Variants in IFIT3 observed in about 807,000 individuals in gnomAD.
IFIT3 encodes interferon-induced protein with tetratricopeptide repeats 3.
A neutral mutation model predicts 2.4 loss-of-function variants in IFIT3; 2 were observed. That is an observed-to-expected ratio of 0.82 (90% CI 0.34 to 2.60). The LOEUF (loss-of-function observed/expected upper bound fraction) is 2.60. IFIT3 is among the 30% of genes most tolerant of loss of function. The probability of loss-of-function intolerance (pLI) is 0.11; values close to 1 mark genes in which losing one functional copy is unlikely to be tolerated. For synonymous variants in IFIT3, 203 were observed against 212.1 expected, an observed-to-expected ratio of 0.96 and a Z score of 0.37; for missense variants, 481 against 562.4, an observed-to-expected ratio of 0.86 and a Z score of 1.46.
chr10:89,338,634 C>A, intron 1 of IFIT3, 27 bp from the exon 2 acceptor site: 2 of 1,592,398 alleles, frequency 1.3e-6, no homozygotes, highest in Non-Finnish European at 1.7e-6. Context: ...GTGTACATCA[C>A]AGTGACCATG....
intron 1 of IFIT3, among the ~76,000 whole-genome samples, chr10:89,332,109 T>C (rs1564788159): frequency 6.6e-6 from 1 of 152,024 alleles, no homozygotes; most frequent in East Asian, 1.9e-4. Flanking sequence ...TGCACGTCTG[T>C]AATCCCAGCT....
chr10:89,336,460 C>T (rs1843742070), intron 1 of IFIT3, among the ~76,000 whole-genome samples: 1 of 152,040 alleles, frequency 6.6e-6, no homozygotes, highest in Admixed American at 6.6e-5. Context: ...TCATATTGGG[C>T]CAAAAATGGT....
intron 1 of IFIT3, among the ~76,000 whole-genome samples, chr10:89,330,625 G>GA (rs1247678374): frequency 2.0e-5 from 3 of 152,168 alleles, no homozygotes; most frequent in African/African-American, 7.2e-5. Context: ...AAGGGAAAAG[G>GA]AAATTCATCC....
intron 1 of IFIT3, among the ~76,000 whole-genome samples, 194 bp downstream of exon 1, chr10:89,328,272 A>T (rs566422694): frequency 4.3e-4 from 66 of 152,068 alleles, no homozygotes; most frequent in Non-Finnish European, 7.4e-4. Context: ...CAGGCTTCTT[A>T]AGTTTCTGGA....
chr10:89,336,130 GA>G (rs1843735104), intron 1 of IFIT3, among the ~76,000 whole-genome samples: 1 of 137,906 alleles, frequency 7.3e-6, no homozygotes, highest in Admixed American at 7.3e-5. Context: ...GGAAGGAAGG[GA>G]GGAAAGAAGG....
At chr10:89,337,412 T>G (rs1363992401) in intron 1 of IFIT3, among the ~76,000 whole-genome samples, 1 of 152,194 alleles carries the variant, frequency 6.6e-6, no homozygotes, top group African/African-American at 2.4e-5. Flanking sequence ...TACTTTTATT[T>G]TTTTTGAGGC....
At chr10:89,338,389 A>G (rs967065724) in intron 1 of IFIT3, 2 of 360,256 alleles carry the variant, frequency 5.6e-6, no homozygotes, top group Non-Finnish European at 1.0e-5. Context: ...CAGAGGGAGA[A>G]TTCTCCCTTC....
chr10:89,331,416 A>C (rs1178099835), intron 1 of IFIT3, among the ~76,000 whole-genome samples: 1 of 152,058 alleles, frequency 6.6e-6, no homozygotes, highest in African/African-American at 2.4e-5. Context: ...TAAGTGATGC[A>C]CCCACCTTGG....
chr10:89,331,562 T>C (rs1417445880), intron 1 of IFIT3, among the ~76,000 whole-genome samples: 1 of 152,166 alleles, frequency 6.6e-6, no homozygotes, highest in Non-Finnish European at 1.5e-5. Flanking sequence ...AATATTCTTT[T>C]GTAAAGAGGT....
chr10:89,332,957 G>A (rs774875808), intron 1 of IFIT3, among the ~76,000 whole-genome samples: 5 of 152,284 alleles, frequency 3.3e-5, no homozygotes, highest in Admixed American at 6.5e-5. Flanking sequence ...GTTCTGGTTC[G>A]TCTTTTGTTT....
intron 1 of IFIT3, among the ~76,000 whole-genome samples, chr10:89,330,752 A>G (rs1843641764): frequency 1.2e-5 from 1 of 86,206 alleles, no homozygotes; most frequent in Admixed American, 1.0e-4. Context: ...CCCTTCACTC[A>G]AGATGCCTGA....
chr10:89,332,113 C>A (rs759476707), intron 1 of IFIT3, among the ~76,000 whole-genome samples: 9 of 151,752 alleles, frequency 5.9e-5, no homozygotes, highest in Non-Finnish European at 1.2e-4. Flanking sequence ...CGTCTGTAAT[C>A]CCAGCTACTC....
At position 89,339,842 on chromosome 10, in the gene IFIT3, A is replaced by G; in HGVS notation, c.1187A>G (p.Glu396Gly). ...LSISKKSTDK[E>G]EIKDQPQNVS... ...ATAAGCAAAAAATCAACTGACAAGGAAGAGATCAAAGACCAACCACAGAAT... is the reference window on the plus strand; with the variant it reads ...ATAAGCAAAAAATCAACTGACAAGGGAGAGATCAAAGACCAACCACAGAAT... Residue 396 changes from glutamate (E) to glycine (G), a missense_variant, in exon 2 of 2, where the codon GAA becomes GGA. Coordinates refer to ENST00000371818, the MANE Select transcript of IFIT3 (RefSeq NM_001549.6). 6.2e-7 allele frequency: 1 copy of G among 1,614,210 alleles called. No individual in the cohort carries two copies. Among genetic ancestry groups the G allele is most frequent in the South Asian group, 1.1e-5 (1 of 91,086 alleles).
chr10:89,338,914 G>A lies in IFIT3; in HGVS notation c.259G>A (p.Asp87Asn), dbSNP rs765900036. The change falls in exon 2 of 2, where the codon GAC (aspartate) becomes AAC (asparagine). Residue 87 changes from aspartate to asparagine, a missense_variant. By Grantham distance (23) the Asp-to-Asn change is conservative. Coordinates refer to ENST00000371818, the MANE Select transcript of IFIT3 (RefSeq NM_001549.6). The part of the protein sequence containing the change: ...AEELIQQEHA[D>N]QAEIRSLVTW... ...AGAGTTAATCCAGCAAGAACATGCT[G>A]ACCAAGCAGAAATCAGAAGTCTAGT... The A allele has an allele frequency of 1.1e-5, 18 of 1,614,022 alleles. No individual in the cohort carries two copies. The highest frequency in any genetic ancestry group is 1.4e-5 in the Non-Finnish European group (16 of 1,180,020).
At position 89,340,222 on chromosome 10, in the gene IFIT3, GAGCAGGGAA is replaced by G. The variant is rs1843841472; in HGVS notation, c.*95_*103del. ...CAGGGGGCCCCAACCTGGGATTGCT[GAGCAGGGAA>G]GCTTTGCATGTTGCTCTAAGGTACA... is the stretch of plus-strand genomic sequence containing the variant. On this transcript the variant is annotated 3_prime_UTR_variant, in exon 2 of 2. Transcript: ENST00000371818. The G allele has an allele frequency of 3.8e-6, 5 of 1,314,230 alleles. No individual in the cohort carries two copies. The highest frequency in any genetic ancestry group is 5.2e-6 in the Non-Finnish European group (5 of 969,970). The allele number at this position is 1,314,230 out of a possible 1,614,324, so 81.4% of individuals were successfully genotyped here. A position where few individuals can be genotyped will look rare whatever the true frequency, so the allele number is the denominator to read the frequency against.
rs747887545 is a variant in IFIT3, at chr10:89,339,775, T to G, written c.1120T>G (p.Ser374Ala). 114 of 1,614,044 alleles carry G rather than the reference T, an allele frequency of 7.1e-5. No homozygotes were observed. The highest frequency in any genetic ancestry group is 9.2e-5 in the Non-Finnish European group (108 of 1,180,040). Residue 374 changes from serine to alanine, a missense_variant, in exon 2 of 2, where the codon TCT becomes GCT. Transcript: ENST00000371818. ...CAACCTTCAGAAATATAATGGGAAG[T>G]CTGAAGACACTGCTGTGCAACATGG... ...YCNLQKYNGK[S>A]EDTAVQHGLE...
chr10:89,330,549 G>T (rs1205808138), intron 1 of IFIT3, among the ~76,000 whole-genome samples: 1 of 152,196 alleles, frequency 6.6e-6, no homozygotes, highest in African/African-American at 2.4e-5. Flanking sequence ...CACAAGAACT[G>T]AACCCAGATC....
At chr10:89,332,528 G>A (rs1359587980) in intron 1 of IFIT3, 16 of 1,611,488 alleles carry the variant, frequency 9.9e-6, no homozygotes, top group Admixed American at 3.3e-5. Context: ...CAGCACCCTG[G>A]GTGGAAACCT....
intron 1 of IFIT3, chr10:89,332,387 T>C: frequency 1.0e-6 from 1 of 982,122 alleles, no homozygotes; most frequent in Non-Finnish European, 1.4e-6. Context: ...TCCAAATCTG[T>C]CTGGAACATG....
Sources: gnomAD v4.1 joint callset for allele counts (sites outside exome capture counted in the v4.1 genomes callset) on GRCh38, gnomAD v4.1.1 for gene constraint, MANE v1.5 for transcripts, NCBI Gene and HGNC (gene_info 2026-07-23, HGNC 2026-07-21) for gene names.